Variants in ADGRB3 observed in about 807,000 individuals in gnomAD.
The protein encoded by ADGRB3 is adhesion G protein-coupled receptor B3.
Under a neutral mutation model 193.4 loss-of-function variants are expected in ADGRB3, and 37 were observed. That is an observed-to-expected ratio of 0.19 (90% CI 0.15 to 0.25). ADGRB3 has a LOEUF of 0.25. Ranked by LOEUF, ADGRB3 falls within the 10% of genes least tolerant of loss-of-function variation. The pLI, the probability that ADGRB3 is intolerant of heterozygous loss-of-function variation, is 1.00. For missense variants in ADGRB3, 1,637 were observed against 1,852.9 expected, an observed-to-expected ratio of 0.88 and a Z score of 2.14; for synonymous variants, 690 against 644.2, an observed-to-expected ratio of 1.07 and a Z score of -1.08.
At chr6:69,053,822 C>T (rs1053228833) in intron 15 of ADGRB3, among the ~76,000 whole-genome samples, 19 of 152,146 alleles carry the variant, frequency 1.2e-4, no homozygotes, top group African/African-American at 4.3e-4. Context: ...ATTGATATAG[C>T]AATTCTACTT....
intron 3 of ADGRB3, among the ~76,000 whole-genome samples, chr6:68,819,600 T>A (rs1018016378): frequency 2.0e-5 from 3 of 152,010 alleles, no homozygotes; most frequent in Non-Finnish European, 4.4e-5. Context: ...GCGGAGTATT[T>A]CTTCCTGGAA....
chr6:68,700,311 C>T (rs1765220836), intron 3 of ADGRB3, among the ~76,000 whole-genome samples: 1 of 152,060 alleles, frequency 6.6e-6, no homozygotes, highest in Non-Finnish European at 1.5e-5. Flanking sequence ...TAAGGGCAAA[C>T]ATTACATTTT....
chr6:68,767,587 T>C (rs958320134), intron 3 of ADGRB3, among the ~76,000 whole-genome samples: 15 of 152,088 alleles, frequency 9.9e-5, no homozygotes, highest in Non-Finnish European at 1.5e-4. Context: ...CAATATCATA[T>C]TGAATGGGCA....
At chr6:68,794,394 A>T (rs549563464) in intron 3 of ADGRB3, among the ~76,000 whole-genome samples, 2 of 152,064 alleles carry the variant, frequency 1.3e-5, no homozygotes, top group Admixed American at 1.3e-4. Flanking sequence ...AAAATATAAG[A>T]ATTATTAAAG....
intron 17 of ADGRB3, among the ~76,000 whole-genome samples, chr6:69,082,679 G>T (rs1772421435): frequency 1.3e-5 from 2 of 152,002 alleles, no homozygotes; most frequent in African/African-American, 4.8e-5. Flanking sequence ...TTTGTAATCT[G>T]TTGTATTTCT....
intron 3 of ADGRB3, among the ~76,000 whole-genome samples, chr6:68,901,347 G>A (rs998712329): frequency 6.6e-6 from 1 of 152,152 alleles, no homozygotes; most frequent in African/African-American, 2.4e-5. Context: ...GAACATGATA[G>A]CTGGCTTTTT....
At chr6:68,678,594 A>G (rs1039065020) in intron 3 of ADGRB3, among the ~76,000 whole-genome samples, 5 of 152,188 alleles carry the variant, frequency 3.3e-5, no homozygotes, top group Non-Finnish European at 7.3e-5. Context: ...GGTGTAATCA[A>G]AGGAAGGTTG....
At chr6:69,137,335 G>C (rs1378277737) in intron 17 of ADGRB3, among the ~76,000 whole-genome samples, 4 of 151,540 alleles carry the variant, frequency 2.6e-5, no homozygotes, top group African/African-American at 9.7e-5. Flanking sequence ...TTCACAAAAT[G>C]ATAAAGTAAA....
At chr6:68,691,310 T>C (rs2127302181) in intron 3 of ADGRB3, among the ~76,000 whole-genome samples, 1 of 152,198 alleles carries the variant, frequency 6.6e-6, no homozygotes, top group South Asian at 2.1e-4. Context: ...GCTGACTTTG[T>C]AAGAGTGCTA....
chr6:69,304,483 T>G (rs1768022509), intron 20 of ADGRB3, among the ~76,000 whole-genome samples: 2 of 151,818 alleles, frequency 1.3e-5, no homozygotes, highest in South Asian at 4.1e-4. Context: ...CTAATTAAAA[T>G]GTAACTACAT....
rs1768084563 is a variant in ADGRB3, at chr6:68,956,644, G to A, written c.1361-1G>A. 1 of 1,613,724 alleles carries A rather than the reference G, an allele frequency of 6.2e-7. No individual in the cohort carries two copies. Among genetic ancestry groups the A allele is most frequent in the African/African-American group, 1.3e-5 (1 of 74,864 alleles). The stretch of plus-strand genomic sequence containing the variant: ...CATTGACCATGAAACATTTCTTTCA[G>A]CCAATGGTCAATGGAATCAGTGGGG... On this transcript the variant is annotated splice_acceptor_variant, in intron 7 of 31. Transcript: ENST00000370598. LOFTEE classifies it high-confidence loss of function.
chr6:68,863,679 T>C (rs1224243657), intron 3 of ADGRB3, among the ~76,000 whole-genome samples: 1 of 152,114 alleles, frequency 6.6e-6, no homozygotes, highest in Non-Finnish European at 1.5e-5. Flanking sequence ...AAAATTAAAC[T>C]CTCAGCTTTT....
At chr6:69,095,115 AT>A (rs1772835543) in intron 17 of ADGRB3, among the ~76,000 whole-genome samples, 1 of 152,136 alleles carries the variant, frequency 6.6e-6, no homozygotes, top group African/African-American at 2.4e-5. Context: ...ACCCCAAGTA[AT>A]TGAATGGTCT....
chr6:68,919,695 T>C (rs1376379532), intron 3 of ADGRB3, among the ~76,000 whole-genome samples: 1 of 151,920 alleles, frequency 6.6e-6, no homozygotes, highest in Non-Finnish European at 1.5e-5. Flanking sequence ...AGAACGGTTG[T>C]GGGATGGGGA....
intron 17 of ADGRB3, among the ~76,000 whole-genome samples, chr6:69,133,223 C>T (rs978924290): frequency 6.6e-6 from 1 of 152,100 alleles, no homozygotes; most frequent in African/African-American, 2.4e-5. Flanking sequence ...GCAGTATGGC[C>T]ATTTTCATGA....
chr6:68,713,633 C>G (rs1765440704), intron 3 of ADGRB3, among the ~76,000 whole-genome samples: 1 of 151,286 alleles, frequency 6.6e-6, no homozygotes, highest in African/African-American at 2.4e-5. Flanking sequence ...TGGTACCTTT[C>G]TTGTTAATAG....
At chr6:69,074,537 CTTTTTTTT>C (rs956596624) in intron 16 of ADGRB3, among the ~76,000 whole-genome samples, 1 of 115,886 alleles carries the variant, frequency 8.6e-6, no homozygotes, top group Non-Finnish European at 1.8e-5. Context: ...CAGGACTGTA[CTTTTTTTT>C]TTTTTTTTTT....
chr6:69,195,522 CAAAAAAAAAAAA>C (rs542731165), intron 17 of ADGRB3, among the ~76,000 whole-genome samples: 1 of 65,124 alleles, frequency 1.5e-5, no homozygotes, highest in Admixed American at 1.6e-4. Context: ...TATCCTGTCT[CAAAAAAAAAAAA>C]AAAAAAAAAA....
intron 3 of ADGRB3, among the ~76,000 whole-genome samples, chr6:68,673,695 T>C (rs890728128): frequency 2.0e-5 from 3 of 152,192 alleles, no homozygotes; most frequent in Non-Finnish European, 4.4e-5. Flanking sequence ...GATAAAACAA[T>C]TTCCCTGGCT....
Sources: gnomAD v4.1 joint callset for allele counts (sites outside exome capture counted in the v4.1 genomes callset) on GRCh38, gnomAD v4.1.1 for gene constraint, MANE v1.5 for transcripts, NCBI Gene and HGNC (gene_info 2026-07-23, HGNC 2026-07-21) for gene names.